The following SMTNL2 variants were observed in gnomAD, a reference collection of about 807,000 sequenced individuals.
SMTNL2 encodes the protein smoothelin like 2.
A neutral mutation model predicts 44.1 loss-of-function variants in SMTNL2; 43 were observed. That is an observed-to-expected ratio of 0.98 (90% CI 0.76 to 1.26). The LOEUF (loss-of-function observed/expected upper bound fraction) is 1.26, where lower values mean the gene tolerates loss of function less well. Ranked by LOEUF, SMTNL2 falls within the 50% of genes most tolerant of loss-of-function variation. The probability of loss-of-function intolerance (pLI) is 0.00; values close to 1 mark genes in which losing one functional copy is unlikely to be tolerated. For synonymous variants in SMTNL2, 317 were observed against 287.6 expected (o/e 1.10, Z -1.03); for missense variants, 646 against 670.2 (o/e 0.96, Z 0.40).
chr17:4,585,071 G>A, intron 1 of SMTNL2, 67 bp downstream of exon 1: 1 of 1,264,926 alleles, frequency 7.9e-7, no homozygotes, highest in Non-Finnish European at 1.0e-6. Context: ...CCGCCCCTTC[G>A]CCCCGACTGC....
chr17:4,591,286 C>G (rs1445647174), intron 1 of SMTNL2, among the ~76,000 whole-genome samples: 2 of 152,240 alleles, frequency 1.3e-5, no homozygotes, highest in Admixed American at 1.3e-4. Context: ...ACCTTGTAGA[C>G]CAGGGGGCAT....
Position 4,598,158 on chromosome 17 carries a change from C to A in SMTNL2, c.1259+835C>A, listed in dbSNP as rs1205628816. On this transcript the variant is annotated intron_variant, in intron 7 of 7. Transcript: ENST00000389313. The surrounding 1 kb of genome is among the most constrained non-coding windows in gnomAD (Gnocchi z 4.8). The stretch of plus-strand genomic sequence containing the variant: ...TGTCTGATAAGAGCTGCGCTTTGGG[C>A]AAATGGTTGCAGTCAGCTCGCTGCG... Among the ~76,000 whole-genome samples the A allele has an allele frequency of 1.3e-5, 2 of 152,198 alleles. No homozygotes were observed. The highest frequency in any genetic ancestry group is 4.8e-5 in the African/African-American group (2 of 41,454).
At chr17:4,585,515 C>T (rs973693000) in intron 1 of SMTNL2, among the ~76,000 whole-genome samples, 2 of 152,184 alleles carry the variant, frequency 1.3e-5, no homozygotes, top group African/African-American at 4.8e-5. Context: ...ACGCGATCAG[C>T]AGCGGCTTTT....
In SMTNL2 at chr17:4,584,760, TG is replaced by T; in HGVS notation, c.157del (p.Ala53ProfsTer25). On this transcript the variant is annotated frameshift_variant, in exon 1 of 8. Coordinates refer to ENST00000389313, the MANE Select transcript of SMTNL2 (RefSeq NM_001114974.2). LOFTEE classifies it high-confidence loss of function. ...CGGCGAGTGGCAGAGGCGATGCGCC[TG>T]GCCGGCCCCCTGGCGCGCACGGTGG... is the stretch of plus-strand genomic sequence containing the variant. ...VERRVAEAMR[L>X]AGPLARTVAD... 7.7e-7 allele frequency: 1 copy of T among 1,306,968 alleles called. No homozygotes were observed. 81.0% of individuals were successfully genotyped at this position (1,306,968 alleles called of 1,614,324 possible).
chr17:4,590,020 G>A (rs1909508743), intron 1 of SMTNL2, among the ~76,000 whole-genome samples: 1 of 125,368 alleles, frequency 8.0e-6, no homozygotes, highest in South Asian at 2.7e-4. Context: ...AGGCTGGAGT[G>A]CAGTGGTGCA....
In SMTNL2 at chr17:4,607,495, G is replaced by A. The variant is rs1910328817; in HGVS notation, c.*8G>A. The A allele has an allele frequency of 6.2e-7, 1 of 1,613,494 alleles. No homozygotes were observed. Among genetic ancestry groups the A allele is most frequent in the African/African-American group, 1.3e-5 (1 of 75,038 alleles). On this transcript the variant is annotated 3_prime_UTR_variant, in exon 8 of 8. Coordinates refer to ENST00000389313, the MANE Select transcript of SMTNL2 (RefSeq NM_001114974.2). The surrounding 1 kb of genome is among the most constrained non-coding windows in gnomAD (Gnocchi z 4.7). ...CTGCGTCGCTTCGAGTAAAGCCCCTGAGCCTGGATTGCCAAAGAGCAGCCC... is the reference window on the plus strand; with the variant it reads ...CTGCGTCGCTTCGAGTAAAGCCCCTAAGCCTGGATTGCCAAAGAGCAGCCC...
chr17:4,590,652 C>T (rs998483902), intron 1 of SMTNL2, among the ~76,000 whole-genome samples: 14 of 152,176 alleles, frequency 9.2e-5, no homozygotes, highest in African/African-American at 3.4e-4. Flanking sequence ...GGCACCCTTC[C>T]TCTTCCATGT....
At chr17:4,587,130 G>A (rs1028090384) in intron 1 of SMTNL2, among the ~76,000 whole-genome samples, 1 of 152,204 alleles carries the variant, frequency 6.6e-6, no homozygotes, top group African/African-American at 2.4e-5. Flanking sequence ...CCTGGAAGAA[G>A]AGGCTGGGGT....
chr17:4,601,694 T>A (rs961744334), intron 7 of SMTNL2, among the ~76,000 whole-genome samples: 2 of 151,868 alleles, frequency 1.3e-5, no homozygotes, highest in African/African-American at 4.8e-5. Flanking sequence ...TGGCTATTTT[T>A]TTTTTTTTAG....
rs1440023997 is a variant in SMTNL2, at chr17:4,597,155, C to T, written c.1108-17C>T. The T allele has an allele frequency of 1.2e-6, 2 of 1,611,248 alleles. No individual in the cohort carries two copies. Among genetic ancestry groups the T allele is most frequent in the South Asian group, 2.2e-5 (2 of 90,754 alleles). On this transcript the variant is annotated splice_polypyrimidine_tract_variant and intron_variant, in intron 6 of 7. Coordinates refer to ENST00000389313, the MANE Select transcript of SMTNL2 (RefSeq NM_001114974.2). ...CCCAGCTGCCCTCCCGCACTGACCC[C>T]ACTCACCCTGTTGCAGCACGTGGAC...
At position 4,607,568 on chromosome 17, in the gene SMTNL2, C is replaced by A; in HGVS notation, c.*81C>A. On this transcript the variant is annotated 3_prime_UTR_variant, in exon 8 of 8. Coordinates refer to ENST00000389313, the MANE Select transcript of SMTNL2 (RefSeq NM_001114974.2). This position sits in a 1 kb window ranked among gnomAD's most constrained non-coding sequence, Gnocchi z 4.7. ...TTGCGATTCCCCAGCCAGGATGCCC[C>A]CAGGAGCCTTGCCGTTTGGTGTGAG... 7.0e-6 allele frequency: 11 copies of A among 1,565,142 alleles called. No homozygotes were observed. In the South Asian group the frequency reaches 1.3e-4, roughly 18 times the overall value.
At chr17:4,593,643 T>C (rs1221493631) in intron 3 of SMTNL2, among the ~76,000 whole-genome samples, 179 bp from the exon 4 acceptor site, 2 of 152,192 alleles carry the variant, frequency 1.3e-5, no homozygotes, top group Non-Finnish European at 1.5e-5. Context: ...TTGCTGTGTG[T>C]GCCCATCCTC....
At chr17:4,594,021 C>T (rs1402994675) in intron 4 of SMTNL2, 124 bp downstream of exon 4, 6 of 953,912 alleles carry the variant, frequency 6.3e-6, no homozygotes, top group Admixed American at 2.1e-5. Context: ...GGCTGGATCT[C>T]GGGAGCACTG....
Position 4,607,295 on chromosome 17 carries a change from C to T in SMTNL2, c.1260-66C>T, listed in dbSNP as rs1877577016. ...CTGTTCCCGGGACCGAGACACCGGC[C>T]CTGTCGCGGCTGTGGGGCTGGCTGA... On this transcript the variant is annotated intron_variant, in intron 7 of 7. Transcript: ENST00000389313. The surrounding 1 kb of genome is among the most constrained non-coding windows in gnomAD (Gnocchi z 4.7). The T allele has an allele frequency of 6.3e-7, 1 of 1,596,696 alleles. No individual in the cohort carries two copies. The highest frequency in any genetic ancestry group is 1.3e-5 in the African/African-American group (1 of 74,150).
At chr17:4,597,068 G>T in intron 6 of SMTNL2, 91 bp downstream of exon 6, 1 of 1,505,248 alleles carries the variant, frequency 6.6e-7, no homozygotes, top group Non-Finnish European at 8.9e-7. Flanking sequence ...GCCTGGGCAG[G>T]AGCCCGCTGA....
At chr17:4,606,239 A>G (rs1250774711) in intron 7 of SMTNL2, among the ~76,000 whole-genome samples, 6 of 151,732 alleles carry the variant, frequency 4.0e-5, no homozygotes, top group African/African-American at 1.5e-4. Context: ...CTCCTGCCTC[A>G]GCCTCCCGAG....
chr17:4,605,548 C>T (rs994218844), intron 7 of SMTNL2, among the ~76,000 whole-genome samples: 1 of 152,068 alleles, frequency 6.6e-6, no homozygotes, highest in African/African-American at 2.4e-5. Context: ...ACCACTCTTT[C>T]GAGGTGGATA....
At chr17:4,604,342 A>C (rs1910177505) in intron 7 of SMTNL2, among the ~76,000 whole-genome samples, 2 of 152,076 alleles carry the variant, frequency 1.3e-5, no homozygotes, top group African/African-American at 4.8e-5. Flanking sequence ...CTACAACTCC[A>C]AGCAGGAGGT....
intron 1 of SMTNL2, among the ~76,000 whole-genome samples, chr17:4,588,157 G>C (rs1021478618): frequency 6.6e-6 from 1 of 152,230 alleles, no homozygotes. Context: ...GAGGAGGGCC[G>C]GGTCAGCAGT....
Sources: gnomAD v4.1 joint callset for allele counts (sites outside exome capture counted in the v4.1 genomes callset) on GRCh38, gnomAD v4.1.1 for gene constraint, Gnocchi (gnomAD v3.1) non-coding constraint, MANE v1.5 for transcripts, NCBI Gene and HGNC (gene_info 2026-07-23, HGNC 2026-07-21) for gene names.